Variants in SIMC1 observed in about 807,000 individuals in gnomAD.
SIMC1 encodes the protein SUMO-interacting motif-containing protein 1.
Under a neutral mutation model 82.3 loss-of-function variants are expected in SIMC1, and 55 were observed. The ratio of observed to expected loss-of-function variants is 0.67; its 90% CI spans 0.54 to 0.84. The LOEUF (loss-of-function observed/expected upper bound fraction) is 0.84, where lower values mean the gene tolerates loss of function less well. Ranked by LOEUF, SIMC1 falls within the 40% of genes least tolerant of loss-of-function variation. The pLI, the probability that SIMC1 is intolerant of heterozygous loss-of-function variation, is 0.00. For synonymous variants in SIMC1, 353 were observed against 426.3 expected (o/e 0.83, Z 2.12); for missense variants, 915 against 1,107.2 (o/e 0.83, Z 2.46).
intron 4 of SIMC1, chr5:176,308,100 A>T: frequency 1.3e-6 from 1 of 796,780 alleles, no homozygotes; most frequent in Non-Finnish European, 2.2e-6. Flanking sequence ...CAGGCAGTTC[A>T]TCTAGAGTCT....
At position 176,295,277 on chromosome 5, in the gene SIMC1, C is replaced by T; in HGVS notation, c.1664+15C>T. 8 of 1,602,102 alleles carry T rather than the reference C, an allele frequency of 5.0e-6. No individual in the cohort carries two copies. The highest frequency in any genetic ancestry group is 6.8e-6 in the Non-Finnish European group (8 of 1,173,680). ...AAAATTCAACAGTATGAACCGTAAC[C>T]TCTGGCTGTTGGCGAATCTTCTAGG... On this transcript the variant is annotated intron_variant, in intron 3 of 9. Coordinates refer to ENST00000429602, the MANE Select transcript of SIMC1 (RefSeq NM_001308195.2).
intron 4 of SIMC1, chr5:176,304,213 G>GTTCCCT (rs1554111958): frequency 6.7e-6 from 1 of 149,400 alleles, no homozygotes; most frequent in Non-Finnish European, 1.5e-5. Flanking sequence ...AAGAACTCCA[G>GTTCCCT]CTCCCTCTCC....
At chr5:176,275,678 A>G (rs895094624) in intron 1 of SIMC1, among the ~76,000 whole-genome samples, 2 of 151,874 alleles carry the variant, frequency 1.3e-5, no homozygotes, top group African/African-American at 4.8e-5. Flanking sequence ...AGTTTTTAGC[A>G]TGAAGGTTGT....
In SIMC1 at chr5:176,322,281, T is replaced by C. The variant is rs374074121; in HGVS notation, c.1898T>C (p.Ile633Thr). Residue 633 changes from isoleucine (I) to threonine (T), a missense_variant, in exon 6 of 10, where the codon ATC (isoleucine) becomes ACC (threonine). Ile to Thr is a moderately conservative substitution (Grantham distance 89). Coordinates refer to ENST00000429602, the MANE Select transcript of SIMC1 (RefSeq NM_001308195.2). Reference sequence around the variant, plus strand: ...TCTTTTTTCCATTACAGGGATGTTATCAAGTGGCTGGTCAAAGCAGTAACT... The same window carrying C: ...TCTTTTTTCCATTACAGGGATGTTACCAAGTGGCTGGTCAAAGCAGTAACT... ...DKQPHNVRDV[I>T]KWLVKAVTED... 2 of 1,561,242 alleles carry C rather than the reference T, an allele frequency of 1.3e-6. No individual in the cohort carries two copies. The highest frequency in any genetic ancestry group is 1.7e-6 in the Non-Finnish European group (2 of 1,151,980).
At chr5:176,300,587 A>G (rs3965409) in intron 4 of SIMC1, among the ~76,000 whole-genome samples, 15,343 of 148,484 alleles carry the variant, frequency 0.1, 879 homozygotes, top group Admixed American at 0.13. Flanking sequence ...CTCCCAGAGT[A>G]CTAGGATTAC....
Position 176,253,363 on chromosome 5 carries a change from A to G in SIMC1, c.129+14726A>G, listed in dbSNP as rs185386738. Among the ~76,000 whole-genome samples, 484 of 152,102 alleles carry G rather than the reference A, an allele frequency of 3.2e-3. 4 individuals are homozygous for G. The highest frequency in any genetic ancestry group is 0.011 in the African/African-American group (459 of 41,474). ...ATGCGTCTTGGGGTTGCTCTTCTAA[A>G]GATACTCCTCGAGAATTTTTTTGTA... On this transcript the variant is annotated intron_variant, in intron 1 of 9. Coordinates refer to ENST00000429602, the MANE Select transcript of SIMC1 (RefSeq NM_001308195.2).
At chr5:176,265,570 A>G (rs1476428400) in intron 1 of SIMC1, among the ~76,000 whole-genome samples, 5 of 152,190 alleles carry the variant, frequency 3.3e-5, no homozygotes, top group Non-Finnish European at 7.4e-5. Context: ...AATAACATTC[A>G]CCTCACAATG....
Position 176,308,442 on chromosome 5 carries a change from A to G in SIMC1, c.1735-5249A>G, listed in dbSNP as rs1450689485. 15 of 1,608,066 alleles carry G rather than the reference A, an allele frequency of 9.3e-6. No individual in the cohort carries two copies. In the African/African-American group the frequency reaches 1.2e-4, roughly 13 times the overall value. The stretch of plus-strand genomic sequence containing the variant: ...GGGCTGGTATCATTCCCATCCTCAT[A>G]TAACTGTTTGGCCTTCACATGTTGA... On this transcript the variant is annotated intron_variant, in intron 4 of 9. Transcript: ENST00000429602.
Position 176,345,206 on chromosome 5 carries a change from G to T in SIMC1, c.2437G>T (p.Asp813Tyr). ...AGAACACTTAAGGAGTTCCGTGATC[G>T]ACCGAAAGGACTTAATAATCAAAAG... Reference protein sequence around the residue: ...LREHLRSSVIDRKDLIIKRIK... With the variant: ...LREHLRSSVIYRKDLIIKRIK... Residue 813 changes from aspartate (D) to tyrosine (Y), a missense_variant, in exon 10 of 10, where the codon GAC (aspartate) becomes TAC (tyrosine). Asp to Tyr is a radical substitution (Grantham distance 160). Around this residue, in one of 2 missense-constraint regions of SIMC1, gnomAD observed 902 missense variants for 1,040.3 expected, o/e 0.87. Coordinates refer to ENST00000429602, the MANE Select transcript of SIMC1 (RefSeq NM_001308195.2). 3 of 1,613,700 alleles carry T rather than the reference G, an allele frequency of 1.9e-6. No homozygotes were observed. The highest frequency in any genetic ancestry group is 1.7e-6 in the Non-Finnish European group (2 of 1,179,788).
intron 7 of SIMC1, among the ~76,000 whole-genome samples, chr5:176,325,800 GT>G (rs1308000818): frequency 2.5e-4 from 38 of 152,108 alleles, no homozygotes; most frequent in African/African-American, 8.9e-4. Flanking sequence ...TGGCATAAGT[GT>G]TCACTAAAGG....
intron 6 of SIMC1, 105 bp downstream of exon 6, chr5:176,322,530 A>G: frequency 8.3e-6 from 11 of 1,324,016 alleles, no homozygotes; most frequent in Non-Finnish European, 1.0e-5. Context: ...ACAAGATCTT[A>G]GAACATAGGC....
chr5:176,302,108 T>A (rs1764066026), intron 4 of SIMC1, among the ~76,000 whole-genome samples: 1 of 152,228 alleles, frequency 6.6e-6, no homozygotes, highest in Non-Finnish European at 1.5e-5. Flanking sequence ...TAAGGAATGA[T>A]GACAAGAAGA....
At chr5:176,322,248 C>G (rs1197312473) in intron 5 of SIMC1, 25 bp from the exon 6 acceptor site, 2 of 1,531,640 alleles carry the variant, frequency 1.3e-6, no homozygotes, top group Admixed American at 2.2e-5. Flanking sequence ...AAGAATAAAC[C>G]TTTTCTTTCT....
At chr5:176,311,660 GA>G (rs1397110490) in intron 4 of SIMC1, among the ~76,000 whole-genome samples, 2 of 151,380 alleles carry the variant, frequency 1.3e-5, no homozygotes, top group African/African-American at 2.4e-5. Context: ...AAGGAGGGGA[GA>G]AAAAAACAAA....
intron 4 of SIMC1, chr5:176,313,288 C>G: frequency 2.8e-6 from 4 of 1,435,276 alleles, no homozygotes; most frequent in Non-Finnish European, 3.7e-6. Flanking sequence ...TGGGTATATC[C>G]TGAGGTTGAT....
intron 1 of SIMC1, among the ~76,000 whole-genome samples, chr5:176,243,229 G>C (rs2113097475): frequency 6.6e-6 from 1 of 152,186 alleles, no homozygotes; most frequent in East Asian, 1.9e-4. Flanking sequence ...GTTAATATTT[G>C]ACCTGAGACT....
At position 176,291,902 on chromosome 5, in the gene SIMC1, A is replaced by G. The variant is rs1323275577; in HGVS notation, c.1431+947A>G. The stretch of plus-strand genomic sequence containing the variant: ...CATCGTAGGCCTTATGTAAATTCTT[A>G]TCTTCTAGCTGGATGTGGTGGCATG... On this transcript the variant is annotated intron_variant, in intron 2 of 9. Coordinates refer to ENST00000429602, the MANE Select transcript of SIMC1 (RefSeq NM_001308195.2). Among the ~76,000 whole-genome samples the G allele has an allele frequency of 2.0e-5, 3 of 152,116 alleles. No homozygotes were observed. The East Asian group carries it at 5.8e-4, about 29-fold the overall frequency.
chr5:176,278,927 T>C (rs1486373067), intron 1 of SIMC1, among the ~76,000 whole-genome samples: 2 of 151,898 alleles, frequency 1.3e-5, no homozygotes, highest in Admixed American at 6.6e-5. Flanking sequence ...TGGTTGTGTC[T>C]CTGCCCGGCT....
chr5:176,309,657 C>G (rs1764577177), intron 4 of SIMC1, among the ~76,000 whole-genome samples: 1 of 152,216 alleles, frequency 6.6e-6, no homozygotes, highest in South Asian at 2.1e-4. Flanking sequence ...CAACTGAAGT[C>G]AGGCATGGTA....
Sources: allele counts gnomAD v4.1 joint callset (sites outside exome capture counted in the v4.1 genomes callset), GRCh38; gene constraint gnomAD v4.1.1; regional missense constraint gnomAD v4.1.1; transcripts MANE v1.5; gene names NCBI Gene and HGNC (gene_info 2026-07-23, HGNC 2026-07-21).